Variants in MDN1 observed in about 807,000 individuals in gnomAD.
The protein encoded by MDN1 is midasin AAA ATPase 1.
Under a neutral mutation model 669.2 loss-of-function variants are expected in MDN1, and 266 were observed. The observed-to-expected ratio is 0.40, with a 90% CI of 0.36 to 0.44. MDN1 has a LOEUF of 0.44. Among genes scored for constraint, MDN1 ranks in the 20% least tolerant of loss-of-function variants. The pLI, the probability that MDN1 is intolerant of heterozygous loss-of-function variation, is 1.00. For missense variants in MDN1, 5,940 were observed against 6,754.0 expected, an observed-to-expected ratio of 0.88 and a Z score of 4.22; for synonymous variants, 2,385 against 2,457.1, an observed-to-expected ratio of 0.97 and a Z score of 0.87.
chr6:89,710,150 T>TAAC (rs1453639372), intron 50 of MDN1, among the ~76,000 whole-genome samples: 1 of 152,202 alleles, frequency 6.6e-6, no homozygotes, highest in Admixed American at 6.5e-5. Flanking sequence ...CTCTTCCTAC[T>TAAC]AACGATACTG....
At chr6:89,727,033 G>A (rs1296067508) in intron 37 of MDN1, among the ~76,000 whole-genome samples, 1 of 151,952 alleles carries the variant, frequency 6.6e-6, no homozygotes, top group Non-Finnish European at 1.5e-5. Context: ...TTAAAACTAG[G>A]CTTTCTCTTT....
intron 23 of MDN1, among the ~76,000 whole-genome samples, chr6:89,751,153 T>TTTAC (rs1235580929): frequency 6.6e-6 from 1 of 152,180 alleles, no homozygotes; most frequent in Non-Finnish European, 1.5e-5. Flanking sequence ...CTTTTAGCCA[T>TTTAC]TTACTGAATA....
Position 89,694,087 on chromosome 6 carries a change from G to T in MDN1, c.9868C>A (p.His3290Asn), listed in dbSNP as rs1189865382. Residue 3290 changes from histidine to asparagine, a missense_variant, in exon 62 of 102, where the codon CAT (histidine) becomes AAT (asparagine). Transcript: ENST00000369393. ...LEDEVVVSYS[H>N]PHVRLLRQRM... is the part of the protein sequence containing the mutation. ...CTGCTGTGTTACCTGACGTGAGGAT[G>T]AGAGTAGCTGACAACGACTTCATCT... 1.2e-6 allele frequency: 2 copies of T among 1,613,946 alleles called. No individual in the cohort carries two copies. Among genetic ancestry groups the T allele is most frequent in the African/African-American group, 2.7e-5 (2 of 75,056 alleles).
At chr6:89,741,754 C>A (rs1204833446) in intron 31 of MDN1, among the ~76,000 whole-genome samples, 3 of 152,170 alleles carry the variant, frequency 2.0e-5, no homozygotes, top group Non-Finnish European at 4.4e-5. Context: ...GATAGCTCAA[C>A]TTCCTGTGAT....
rs764984048 is a variant in MDN1 at position 89,695,806 on chromosome 6, G to C, written c.9570C>G (p.Pro3190=). 3.1e-6 allele frequency: 5 copies of C among 1,613,710 alleles called. No individual in the cohort carries two copies. The highest frequency in any genetic ancestry group is 4.2e-6 in the Non-Finnish European group (5 of 1,180,008). The part of the protein sequence containing the change: ...LGDMAGQEVL[P]KELLCQLLTS... ...TGAGCAACTGGCAGAGCAGTTCCTT[G>C]GGCAGCACCTCCTGACCAGCCATGT... is the stretch of plus-strand genomic sequence containing the variant. The change falls in exon 61 of 102, where the codon CCC becomes CCG. Residue 3190 remains proline (P), a synonymous_variant. Coordinates refer to ENST00000369393, the MANE Select transcript of MDN1 (RefSeq NM_014611.3). The surrounding 1 kb of genome is among the most constrained non-coding windows in gnomAD (Gnocchi z 4.1).
intron 13 of MDN1, 112 bp from the exon 14 acceptor site, chr6:89,772,833 G>A (rs905974739): frequency 8.4e-7 from 1 of 1,188,040 alleles, no homozygotes; most frequent in Non-Finnish European, 1.2e-6. Context: ...ACAGCTCACA[G>A]TAACTGTCTT....
intron 53 of MDN1, among the ~76,000 whole-genome samples, chr6:89,703,378 G>C (rs192049716): frequency 7.0e-6 from 1 of 143,334 alleles, no homozygotes; most frequent in Non-Finnish European, 1.5e-5. Flanking sequence ...AAGGGGGGGG[G>C]GTCTATCTGT....
intron 7 of MDN1, 100 bp from the exon 8 acceptor site, chr6:89,788,057 A>G: frequency 9.7e-7 from 1 of 1,031,292 alleles, no homozygotes; most frequent in Non-Finnish European, 1.4e-6. Context: ...ACACACCCTT[A>G]AAGGAAACGT....
intron 53 of MDN1, among the ~76,000 whole-genome samples, chr6:89,704,145 T>C (rs1234681507): frequency 6.6e-6 from 1 of 150,626 alleles, no homozygotes; most frequent in Non-Finnish European, 1.5e-5. Context: ...TTTACGGAGG[T>C]TGACGCAGGT....
chr6:89,794,796 G>A lies in MDN1; in HGVS notation c.335C>T (p.Ala112Val). Reference sequence around the variant, plus strand: ...GGATGTGTCCTTGAAATATCTCAGGGCAAACCTTCAAACACAAAGAATACA... The same window carrying A: ...GGATGTGTCCTTGAAATATCTCAGGACAAACCTTCAAACACAAAGAATACA... The part of the protein sequence containing the change: ...IGNHPDVLPF[A>V]LRYFKDTSPV... The change falls in exon 3 of 102, where the codon GCC (alanine) becomes GTC (valine). Residue 112 changes from alanine to valine, a missense_variant. By Grantham distance (64) the Ala-to-Val change is moderately conservative. Around this residue, in one of 5 missense-constraint regions of MDN1, gnomAD observed 1,203 missense variants for 1,268.9 expected, o/e 0.95. Transcript: ENST00000369393. 1 of 1,613,598 alleles carries A rather than the reference G, an allele frequency of 6.2e-7. No homozygotes were observed. Among genetic ancestry groups the A allele is most frequent in the Non-Finnish European group, 8.5e-7 (1 of 1,179,562 alleles).
chr6:89,731,010 G>GA lies in MDN1; in HGVS notation c.4943-88dup, dbSNP rs1023990888. Reference sequence around the variant, plus strand: ...GCAGGAGCTCTAGCACAGGTTCCCGGAAAAAAGAGGCCTCAGCAAAACTGC... The same window carrying GA: ...GCAGGAGCTCTAGCACAGGTTCCCGGAAAAAAAGAGGCCTCAGCAAAACTGC... On this transcript the variant is annotated intron_variant, in intron 34 of 101. Transcript: ENST00000369393. 1.9e-5 allele frequency: 23 copies of GA among 1,195,212 alleles called. No homozygotes were observed. In the African/African-American group the frequency reaches 3.1e-4, roughly 16 times the overall value. The allele number at this position is 1,195,212 out of a possible 1,614,324, so 74.0% of individuals were successfully genotyped here. A position where few individuals can be genotyped will look rare whatever the true frequency, so the allele number is the denominator to read the frequency against.
chr6:89,727,954 T>G lies in MDN1; in HGVS notation c.5351A>C (p.Asp1784Ala). 1 of 1,606,470 alleles carries G rather than the reference T, an allele frequency of 6.2e-7. No individual in the cohort carries two copies. The highest frequency in any genetic ancestry group is 8.5e-7 in the Non-Finnish European group (1 of 1,177,166). Residue 1784 changes from aspartate (D) to alanine (A), a missense_variant and splice_region_variant, in exon 37 of 102, where the codon GAC (aspartate) becomes GCC (alanine). Transcript: ENST00000369393. ...LVRINLSEQT[D>A]ITDLFGADLP... ...ATCTGCTCCAAACAGGTCTGTGATG[T>G]CCTTTGAAAGGGGAAGAAATGGAAA...
Position 89,688,090 on chromosome 6 carries a change from C to A in MDN1, c.11343G>T (p.Leu3781=). Residue 3781 remains leucine (L), a synonymous_variant, in exon 67 of 102, where the codon CTG becomes CTT. Transcript: ENST00000369393. The part of the protein sequence containing the change: ...SKFLNGLEIL[L]AKAQDWEENA... ...GGTATTAGCTCACCTGTGCCTTTGC[C>A]AGAAGGATCTCTAAGCCATTCAGGA... 6.2e-7 allele frequency: 1 copy of A among 1,613,906 alleles called. No homozygotes were observed. The highest frequency in any genetic ancestry group is 1.1e-5 in the South Asian group (1 of 91,068).
chr6:89,757,988 T>A (rs916527990), intron 19 of MDN1, among the ~76,000 whole-genome samples: 3 of 152,066 alleles, frequency 2.0e-5, no homozygotes, highest in Admixed American at 1.3e-4. Context: ...GTGGAGGTTG[T>A]GGTGAGCCAA....
At chr6:89,670,770 G>A (rs576736169) in intron 83 of MDN1, 149 bp downstream of exon 83, 16 of 921,846 alleles carry the variant, frequency 1.7e-5, no homozygotes, top group Non-Finnish European at 2.2e-5. Flanking sequence ...AAGGATGCCA[G>A]ACAAAGCCCT....
At chr6:89,763,243 G>A (rs758735088) in intron 15 of MDN1, among the ~76,000 whole-genome samples, 23 of 149,254 alleles carry the variant, frequency 1.5e-4, no homozygotes, top group Middle Eastern at 7.0e-3. Flanking sequence ...ATTAAACACA[G>A]CCCACACATT....
At chr6:89,683,580 T>C (rs1383141750) in intron 72 of MDN1, among the ~76,000 whole-genome samples, 1 of 152,126 alleles carries the variant, frequency 6.6e-6, no homozygotes, top group Non-Finnish European at 1.5e-5. Context: ...AGTATACAGC[T>C]AGTGGGTGGC....
intron 15 of MDN1, among the ~76,000 whole-genome samples, chr6:89,763,194 A>C (rs868250994): frequency 6.6e-6 from 1 of 152,184 alleles, no homozygotes; most frequent in Non-Finnish European, 1.5e-5. Flanking sequence ...ACCAAAATCC[A>C]AGGAAAAATA....
Position 89,787,928 on chromosome 6 carries a change from A to G in MDN1, c.1260T>C (p.Asn420=), listed in dbSNP as rs1210072192. The change falls in exon 8 of 102, where the codon AAT becomes AAC. Residue 420 remains asparagine, a synonymous_variant. Coordinates refer to ENST00000369393, the MANE Select transcript of MDN1 (RefSeq NM_014611.3). ...CTCGGCCAGGAATCAAGAGCTCTCC[A>G]TTCTCCAAGAGAGGGATCAGCACAG... The part of the protein sequence containing the change: ...VVSVLIPLLE[N]GELLIPGRGD... 6.2e-7 allele frequency: 1 copy of G among 1,613,484 alleles called. No homozygotes were observed.
Sources: allele counts gnomAD v4.1 joint callset (sites outside exome capture counted in the v4.1 genomes callset), GRCh38; gene constraint gnomAD v4.1.1; regional missense constraint gnomAD v4.1.1; non-coding constraint Gnocchi (gnomAD v3.1); transcripts MANE v1.5; gene names NCBI Gene and HGNC (gene_info 2026-07-23, HGNC 2026-07-21).